Variants in MRLN observed in about 807,000 individuals in gnomAD.
MRLN encodes the protein myoregulin, also known as Linc-RNA activator of myogenesis.
chr10:59,750,589 C>T (rs1841092044), intron 1 of MRLN, among the ~76,000 whole-genome samples: 1 of 152,188 alleles, frequency 6.6e-6, no homozygotes, highest in Non-Finnish European at 1.5e-5. Flanking sequence ...TACATTGCCC[C>T]TGAGATGACA....
intron 1 of MRLN, among the ~76,000 whole-genome samples, chr10:59,745,064 T>C (rs1008250705): frequency 2.9e-4 from 44 of 151,790 alleles, no homozygotes; most frequent in African/African-American, 1.0e-3. Context: ...CCTATGACCC[T>C]GCCAAATCCC....
Position 59,736,880 on chromosome 10 carries a change from G to C in MRLN, c.*180C>G. ...GAAAAAAATTCACTTCAGTATATGT[G>C]AATGTTTCATAAACCATAAAGAACT... On this transcript the variant is annotated 3_prime_UTR_variant, in exon 3 of 3. Transcript: ENST00000414264. 1 of 300,512 alleles carries C rather than the reference G, an allele frequency of 3.3e-6. No homozygotes were observed. 18.6% of individuals were successfully genotyped at this position (300,512 alleles called of 1,614,324 possible).
At chr10:59,742,751 G>A (rs773496192) in intron 1 of MRLN, among the ~76,000 whole-genome samples, 3 of 143,608 alleles carry the variant, frequency 2.1e-5, no homozygotes, top group South Asian at 4.3e-4. Flanking sequence ...GCTTTCTTTC[G>A]AGAGTCTCAC....
intron 1 of MRLN, among the ~76,000 whole-genome samples, chr10:59,742,679 C>CCCTTCCTTCCCTTTCTTTT (rs1158587378): frequency 3.3e-5 from 5 of 149,808 alleles, no homozygotes; most frequent in South Asian, 2.1e-4. Flanking sequence ...TTCCTTCCTT[C>CCCTTCCTTCCCTTTCTTTT]CCTTCCTTCC....
chr10:59,747,930 G>A (rs879809740), intron 1 of MRLN, among the ~76,000 whole-genome samples: 8 of 152,174 alleles, frequency 5.3e-5, no homozygotes, highest in Middle Eastern at 3.4e-3. Flanking sequence ...TACTTCTCCC[G>A]GCAAATAATT....
At chr10:59,741,001 T>C (rs1230693292) in intron 1 of MRLN, among the ~76,000 whole-genome samples, 4 of 152,152 alleles carry the variant, frequency 2.6e-5, no homozygotes, top group Non-Finnish European at 4.4e-5. Context: ...TTTCACCATG[T>C]TGGCCAGGCT....
intron 1 of MRLN, among the ~76,000 whole-genome samples, chr10:59,748,091 GTT>G (rs796457239): frequency 5.9e-5 from 8 of 135,884 alleles, no homozygotes; most frequent in African/African-American, 1.1e-4. Flanking sequence ...TTTTTCTTTT[GTT>G]TTTTTTTTTT....
intron 2 of MRLN, among the ~76,000 whole-genome samples, chr10:59,737,649 A>G (rs1356878864): frequency 8.0e-6 from 1 of 124,378 alleles, no homozygotes; most frequent in South Asian, 2.5e-4. Flanking sequence ...GGTACTGATC[A>G]AAAAAAAAAA....
At chr10:59,740,064 C>T (rs1049541554) in intron 1 of MRLN, among the ~76,000 whole-genome samples, 5 of 150,952 alleles carry the variant, frequency 3.3e-5, no homozygotes, top group African/African-American at 1.2e-4. Flanking sequence ...GCACTCCAGC[C>T]TGGGAGATGG....
chr10:59,737,648 CAAAAAAAAAA>C (rs60567923), intron 2 of MRLN, among the ~76,000 whole-genome samples: 1 of 50,296 alleles, frequency 2.0e-5, no homozygotes, highest in Non-Finnish European at 4.8e-5. Context: ...AGGTACTGAT[CAAAAAAAAAA>C]AAAAAAAAAG....
chr10:59,749,298 C>T (rs752548935), intron 1 of MRLN, among the ~76,000 whole-genome samples: 5 of 152,190 alleles, frequency 3.3e-5, no homozygotes, highest in Admixed American at 6.5e-5. Context: ...AGCTGTCCAA[C>T]GTTACACACG....
intron 1 of MRLN, among the ~76,000 whole-genome samples, chr10:59,741,594 G>A (rs892586588): frequency 2.1e-4 from 32 of 152,088 alleles, no homozygotes; most frequent in African/African-American, 6.5e-4. Flanking sequence ...ACGTTGCCCA[G>A]GCTGATACTG....
chr10:59,745,278 T>C (rs771107241), intron 1 of MRLN, among the ~76,000 whole-genome samples: 2 of 152,186 alleles, frequency 1.3e-5, no homozygotes, highest in Non-Finnish European at 2.9e-5. Flanking sequence ...CCAAAAAATA[T>C]ACACAAATTT....
Position 59,741,956 on chromosome 10 carries a change from C to A in MRLN, c.-124-3394G>T, listed in dbSNP as rs902070713. Among the ~76,000 whole-genome samples, 58 of 152,264 alleles carry A rather than the reference C, an allele frequency of 3.8e-4. 1 individual carries two copies. Among genetic ancestry groups the A allele is most frequent in the South Asian group, 6.2e-4 (3 of 4,830 alleles). Reference sequence around the variant, plus strand: ...GGAGTGCGATTCTAGCTCACTGCAGCCTCAAACTGCTGGCCTCAGGTGGTC... The same window carrying A: ...GGAGTGCGATTCTAGCTCACTGCAGACTCAAACTGCTGGCCTCAGGTGGTC... On this transcript the variant is annotated intron_variant, in intron 1 of 2. Transcript: ENST00000414264.
intron 1 of MRLN, among the ~76,000 whole-genome samples, chr10:59,741,054 T>A (rs1228219756): frequency 6.6e-6 from 1 of 152,220 alleles, no homozygotes; most frequent in Non-Finnish European, 1.5e-5. Flanking sequence ...TGCTTCAGCC[T>A]CCCAAAGTGC....
At chr10:59,740,659 T>C in intron 1 of MRLN, among the ~76,000 whole-genome samples, 1 of 152,162 alleles carries the variant, frequency 6.6e-6, no homozygotes, top group East Asian at 1.9e-4. Flanking sequence ...ACAATGTGTT[T>C]GTGCTTTAAG....
chr10:59,753,152 T>G (rs2070182969), intron 1 of MRLN, among the ~76,000 whole-genome samples: 1 of 152,140 alleles, frequency 6.6e-6, no homozygotes, highest in African/African-American at 2.4e-5. Flanking sequence ...TCTCTCTTTA[T>G]AATCAGCCTT....
At chr10:59,744,647 T>A in intron 1 of MRLN, among the ~76,000 whole-genome samples, 1 of 150,566 alleles carries the variant, frequency 6.6e-6, no homozygotes, top group East Asian at 2.0e-4. Context: ...ATGATGAAGA[T>A]GGCGGTTTTG....
chr10:59,743,419 C>T (rs550089652), intron 1 of MRLN, among the ~76,000 whole-genome samples: 2 of 152,186 alleles, frequency 1.3e-5, no homozygotes, highest in African/African-American at 2.4e-5. Flanking sequence ...CATTTATCAA[C>T]GAAACATTTT....
Sources: allele counts gnomAD v4.1 joint callset (sites outside exome capture counted in the v4.1 genomes callset), GRCh38; gene constraint gnomAD v4.1.1; transcripts MANE v1.5; gene names NCBI Gene and HGNC (gene_info 2026-07-23, HGNC 2026-07-21).